Variants in SLC24A2 observed in about 807,000 individuals in gnomAD.
SLC24A2 encodes sodium/potassium/calcium exchanger 2.
SLC24A2 carries 36 observed loss-of-function variants against 62.0 expected under a neutral mutation model. The observed-to-expected ratio is 0.58, with a 90% CI of 0.44 to 0.77. The LOEUF is 0.77. Ranked by LOEUF, SLC24A2 falls within the 30% of genes least tolerant of loss-of-function variation. The pLI is 0.00. For synonymous variants in SLC24A2, 358 were observed against 294.0 expected (o/e 1.22, Z -2.23); for missense variants, 846 against 817.9 (o/e 1.03, Z -0.42).
chr9:20,022,163 C>G, the SLC24A2 span, among the ~76,000 whole-genome samples: 3 of 152,200 alleles, frequency 2.0e-5, no homozygotes, highest in African/African-American at 7.2e-5. Flanking sequence ...AATGTCTTCT[C>G]TCTCCCTCTG....
At chr9:20,153,073 T>C in the SLC24A2 span, among the ~76,000 whole-genome samples, 1 of 151,770 alleles carries the variant, frequency 6.6e-6, no homozygotes, top group Non-Finnish European at 1.5e-5. Context: ...ATACAGAAAA[T>C]TTAGAAACCT....
chr9:19,873,288 CTTCTT>C, the SLC24A2 span, among the ~76,000 whole-genome samples: 1 of 148,752 alleles, frequency 6.7e-6, no homozygotes, highest in Non-Finnish European at 1.5e-5. Flanking sequence ...TTCTTTCTTT[CTTCTT>C]TTCTTTTCCT....
At chr9:20,201,652 A>G in the SLC24A2 span, among the ~76,000 whole-genome samples, 83 of 152,314 alleles carry the variant, frequency 5.4e-4, no homozygotes, top group Admixed American at 1.6e-3. Context: ...TTCCACAAAG[A>G]GTCCTTTTAT....
At chr9:19,551,648 A>T (rs1834851410) in intron 7 of SLC24A2, among the ~76,000 whole-genome samples, 1 of 152,158 alleles carries the variant, frequency 6.6e-6, no homozygotes, top group Admixed American at 6.5e-5. Flanking sequence ...TGCTTCCAGC[A>T]CCATACACTT....
the SLC24A2 span, among the ~76,000 whole-genome samples, chr9:19,904,168 T>C: frequency 6.6e-6 from 1 of 152,188 alleles, no homozygotes; most frequent in South Asian, 2.1e-4. Context: ...TCTTGTTAGA[T>C]ATGAAGAATC....
At chr9:19,835,709 C>T in the SLC24A2 span, among the ~76,000 whole-genome samples, 1 of 152,184 alleles carries the variant, frequency 6.6e-6, no homozygotes, top group Non-Finnish European at 1.5e-5. Context: ...TTCAACTCAG[C>T]TCTGCAACAA....
chr9:19,785,379 C>G (rs1040700769), intron 2 of SLC24A2, among the ~76,000 whole-genome samples: 2 of 152,196 alleles, frequency 1.3e-5, no homozygotes, highest in Admixed American at 6.5e-5. Context: ...AGTTCCTGGT[C>G]AAGTGACCTA....
At chr9:20,183,681 A>C in the SLC24A2 span, among the ~76,000 whole-genome samples, 1 of 152,208 alleles carries the variant, frequency 6.6e-6, no homozygotes, top group Non-Finnish European at 1.5e-5. Flanking sequence ...TGAGCAGAGG[A>C]TGGAAGAGGC....
At chr9:19,941,214 C>T in the SLC24A2 span, among the ~76,000 whole-genome samples, 3 of 151,622 alleles carry the variant, frequency 2.0e-5, no homozygotes, top group Non-Finnish European at 1.5e-5. Flanking sequence ...TTTGCCCACC[C>T]AAGTTTTACT....
the SLC24A2 span, among the ~76,000 whole-genome samples, chr9:20,247,241 A>G: frequency 6.6e-6 from 1 of 152,154 alleles, no homozygotes; most frequent in African/African-American, 2.4e-5. Flanking sequence ...AAGAACCAAC[A>G]GATTATTTTC....
the SLC24A2 span, among the ~76,000 whole-genome samples, chr9:19,950,747 C>T: frequency 1.3e-5 from 2 of 152,118 alleles, no homozygotes; most frequent in African/African-American, 4.8e-5. Context: ...GGGGAGTATC[C>T]ATCAAGTTTA....
At chr9:20,181,146 T>C in the SLC24A2 span, among the ~76,000 whole-genome samples, 1 of 152,132 alleles carries the variant, frequency 6.6e-6, no homozygotes, top group East Asian at 1.9e-4. Flanking sequence ...ACTAATAGCT[T>C]TGTAGTTAAC....
At chr9:20,276,360 C>T in the SLC24A2 span, among the ~76,000 whole-genome samples, 7 of 152,210 alleles carry the variant, frequency 4.6e-5, no homozygotes, top group African/African-American at 1.7e-4. Flanking sequence ...ATTAAAGCTC[C>T]AAAATGATCT....
intron 2 of SLC24A2, among the ~76,000 whole-genome samples, chr9:19,688,689 T>C (rs548755908): frequency 6.6e-6 from 1 of 152,228 alleles, no homozygotes; most frequent in South Asian, 2.1e-4. Flanking sequence ...ATTTAGGAAA[T>C]GCACTAGGAG....
the SLC24A2 span, among the ~76,000 whole-genome samples, chr9:20,054,241 G>C: frequency 2.0e-5 from 3 of 151,716 alleles, no homozygotes; most frequent in Non-Finnish European, 4.4e-5. Context: ...ACCCAGGCTG[G>C]AATGCAGTGG....
chr9:19,601,155 A>T (rs1836830114), intron 4 of SLC24A2, among the ~76,000 whole-genome samples: 1 of 152,024 alleles, frequency 6.6e-6, no homozygotes, highest in Non-Finnish European at 1.5e-5. Context: ...GAGATTGTAA[A>T]ATGCACCAAT....
At chr9:20,037,109 G>T in the SLC24A2 span, among the ~76,000 whole-genome samples, 1 of 151,994 alleles carries the variant, frequency 6.6e-6, no homozygotes, top group South Asian at 2.1e-4. Context: ...TGTTGGCCAG[G>T]CTGGTCTTGA....
chr9:19,533,058 G>A (rs747583454), intron 8 of SLC24A2, among the ~76,000 whole-genome samples: 19 of 152,186 alleles, frequency 1.2e-4, no homozygotes, highest in Non-Finnish European at 2.4e-4. Context: ...AATTATGTGA[G>A]CTGAAATTAT....
At chr9:19,955,377 G>GTTTTTT in the SLC24A2 span, among the ~76,000 whole-genome samples, 1 of 143,374 alleles carries the variant, frequency 7.0e-6, no homozygotes, top group Non-Finnish European at 1.5e-5. Flanking sequence ...AAATTCTCAG[G>GTTTTTT]TTTTTTTTTT....
Sources: allele counts gnomAD v4.1 joint callset (sites outside exome capture counted in the v4.1 genomes callset), GRCh38; gene constraint gnomAD v4.1.1; transcripts MANE v1.5; gene names NCBI Gene and HGNC (gene_info 2026-07-23, HGNC 2026-07-21).